Variants in RNF216 observed in about 807,000 individuals in gnomAD.
RNF216 encodes ring finger protein 216, also known as E3 ubiquitin-protein ligase RNF216.
Under a neutral mutation model 110.8 loss-of-function variants are expected in RNF216, and 72 were observed. The ratio of observed to expected loss-of-function variants is 0.65; its 90% CI spans 0.54 to 0.79. RNF216 has a LOEUF of 0.79. RNF216 is among the 30% of genes least tolerant of loss of function. RNF216 has a pLI of 0.00. For synonymous variants in RNF216, 495 were observed against 407.5 expected, an observed-to-expected ratio of 1.21 and a Z score of -2.59; for missense variants, 1,342 against 1,141.2, an observed-to-expected ratio of 1.18 and a Z score of -2.54.
At chr7:5,695,879 G>T (rs1253474335) in intron 13 of RNF216, among the ~76,000 whole-genome samples, 1 of 152,218 alleles carries the variant, frequency 6.6e-6, no homozygotes, top group Non-Finnish European at 1.5e-5. Flanking sequence ...GGTATCAAAA[G>T]GCTGTTTGTG....
intron 13 of RNF216, among the ~76,000 whole-genome samples, chr7:5,678,186 C>G (rs936311303): frequency 2.6e-5 from 4 of 152,192 alleles, no homozygotes; most frequent in African/African-American, 7.2e-5. Flanking sequence ...ACTTCTGAGG[C>G]TCTGGGGCCC....
chr7:5,691,601 C>T (rs1412983776), intron 13 of RNF216, among the ~76,000 whole-genome samples: 2 of 152,086 alleles, frequency 1.3e-5, no homozygotes, highest in African/African-American at 4.8e-5. Flanking sequence ...TTTAAAATGC[C>T]CAGCTTCTCC....
At position 5,751,420 on chromosome 7, in the gene RNF216, A is replaced by T. The variant is rs1286262508; in HGVS notation, c.201+1426T>A. ...CCAAAAGACCAGACTAAAACTCAAA[A>T]CGGAAGCATCCATGTAAGTTTCATA... On this transcript the variant is annotated intron_variant, in intron 3 of 16. Transcript: ENST00000389902. Among the ~76,000 whole-genome samples the T allele has an allele frequency of 3.3e-5, 5 of 152,178 alleles. No homozygotes were observed. In the East Asian group the frequency reaches 9.6e-4, roughly 29 times the overall value.
intron 5 of RNF216, among the ~76,000 whole-genome samples, chr7:5,734,825 A>T (rs1280685852): frequency 8.5e-6 from 1 of 118,144 alleles, no homozygotes; most frequent in South Asian, 3.0e-4. Context: ...ACTCTCTCTC[A>T]AAATAAATAA....
rs577106987 is a variant in RNF216 at position 5,781,262 on chromosome 7, G to C, written c.-70+279C>G. Among the ~76,000 whole-genome samples the C allele has an allele frequency of 7.9e-3, 1,209 of 152,218 alleles. 9 individuals are homozygous for C. The highest frequency in any genetic ancestry group is 0.017 in the Middle Eastern group (5 of 292). ...TGCCCTCGCGCAGCAGACCCGAGGG[G>C]CCGGCCCGCGAAACTTCGCGAAGTG... On this transcript the variant is annotated intron_variant, in intron 1 of 16. Transcript: ENST00000389902.
At chr7:5,643,497 C>G (rs1033435886) in intron 14 of RNF216, among the ~76,000 whole-genome samples, 7 of 151,986 alleles carry the variant, frequency 4.6e-5, no homozygotes, top group Non-Finnish European at 1.0e-4. Context: ...AGGGCCTCTT[C>G]TATGCAGCCA....
rs762895166 is a variant in RNF216 at position 5,725,302 on chromosome 7, C to A, written c.1504+22G>T. 12 of 1,346,204 alleles carry A rather than the reference C, an allele frequency of 8.9e-6. No individual in the cohort carries two copies. The Admixed American group carries it at 2.0e-4, about 23-fold the overall frequency. 83.4% of individuals were successfully genotyped at this position (1,346,204 alleles called of 1,614,324 possible). A position where few individuals can be genotyped will look rare whatever the true frequency, so the allele number is the denominator to read the frequency against. On this transcript the variant is annotated intron_variant, in intron 8 of 16. Transcript: ENST00000389902. ...GGTACAGTGTTGCAGCTACACACTG[C>A]CACCAACACAGTTTGCATTACCTTG...
chr7:5,684,668 A>T (rs1436013610), intron 13 of RNF216, among the ~76,000 whole-genome samples: 1 of 152,162 alleles, frequency 6.6e-6, no homozygotes, highest in Admixed American at 6.5e-5. Flanking sequence ...CTTGCTAGTG[A>T]GAAAAAGGAA....
chr7:5,641,434 G>T, intron 14 of RNF216, 58 bp from the exon 15 acceptor site: 2 of 1,331,590 alleles, frequency 1.5e-6, no homozygotes, highest in South Asian at 1.2e-5. Flanking sequence ...AAAAAAATAT[G>T]GCCATTAAGC....
At chr7:5,774,266 T>C (rs1273321655) in intron 1 of RNF216, among the ~76,000 whole-genome samples, 1 of 152,214 alleles carries the variant, frequency 6.6e-6, no homozygotes, top group Non-Finnish European at 1.5e-5. Context: ...AAAATGAGAA[T>C]ACAGTTGTTT....
intron 13 of RNF216, among the ~76,000 whole-genome samples, chr7:5,706,075 C>A (rs1195245407): frequency 6.6e-6 from 1 of 151,942 alleles, no homozygotes; most frequent in Non-Finnish European, 1.5e-5. Flanking sequence ...AAAAAATTAG[C>A]CGGGCATGGT....
chr7:5,678,297 T>C (rs1490644275), intron 13 of RNF216, among the ~76,000 whole-genome samples: 1 of 152,216 alleles, frequency 6.6e-6, no homozygotes, highest in Non-Finnish European at 1.5e-5. Context: ...AGACTTTCAA[T>C]TATGTTCTCT....
At chr7:5,719,692 T>C (rs1262654952) in intron 9 of RNF216, among the ~76,000 whole-genome samples, 18 of 152,240 alleles carry the variant, frequency 1.2e-4, no homozygotes, top group Admixed American at 1.2e-3. Flanking sequence ...AACAATAAAT[T>C]CTAATTTCTG....
At chr7:5,774,390 G>T (rs972302538) in intron 1 of RNF216, among the ~76,000 whole-genome samples, 4 of 152,170 alleles carry the variant, frequency 2.6e-5, no homozygotes, top group Admixed American at 2.6e-4. Flanking sequence ...AGTAAGCTAT[G>T]ATAGCACCAT....
At chr7:5,646,707 A>T (rs1052158222) in intron 14 of RNF216, among the ~76,000 whole-genome samples, 33 of 151,666 alleles carry the variant, frequency 2.2e-4, no homozygotes, top group African/African-American at 6.6e-4. Context: ...AAAAAAAAAG[A>T]AAGTTATTTT....
At chr7:5,663,079 C>T (rs1483472397) in intron 13 of RNF216, among the ~76,000 whole-genome samples, 1 of 152,174 alleles carries the variant, frequency 6.6e-6, no homozygotes, top group East Asian at 1.9e-4. Context: ...CTTGGGAAAC[C>T]CAAATGACCC....
intron 14 of RNF216, among the ~76,000 whole-genome samples, chr7:5,649,438 G>A (rs1484894633): frequency 2.0e-5 from 3 of 151,914 alleles, no homozygotes; most frequent in Admixed American, 6.6e-5. Context: ...AAGCTCAGGA[G>A]GTCAAGGCTA....
At chr7:5,722,938 C>T (rs746469731) in intron 8 of RNF216, among the ~76,000 whole-genome samples, 2 of 151,640 alleles carry the variant, frequency 1.3e-5, no homozygotes, top group African/African-American at 4.8e-5. Context: ...AAGTGGACTC[C>T]GTCTTAAAAT....
Position 5,741,584 on chromosome 7 carries a change from A to T in RNF216, c.433T>A (p.Phe145Ile). The change falls in exon 4 of 17, where the codon TTC becomes ATC. Residue 145 changes from phenylalanine (F) to isoleucine (I), a missense_variant. Physicochemically the swap from Phe to Ile is conservative, Grantham distance 21 (BLOSUM62 0). Coordinates refer to ENST00000389902, the MANE Select transcript of RNF216 (RefSeq NM_207111.4). Reference protein sequence around the residue: ...LDLGPPGISEFTKPSGQTERE... With the variant: ...LDLGPPGISEITKPSGQTERE... ...TCTGTTTGGCCACTTGGCTTAGTGA[A>T]TTCAGAGATTCCAGGAGGCCCAAGA... 6.2e-7 allele frequency: 1 copy of T among 1,614,158 alleles called. No homozygotes were observed.
Sources: gnomAD v4.1 joint callset for allele counts (sites outside exome capture counted in the v4.1 genomes callset) on GRCh38, gnomAD v4.1.1 for gene constraint, MANE v1.5 for transcripts, NCBI Gene and HGNC (gene_info 2026-07-23, HGNC 2026-07-21) for gene names.